KIAA1549L: variants seen among roughly 807,000 people sequenced by gnomAD.
KIAA1549L encodes the protein KIAA1549 like, also known as UPF0606 protein KIAA1549L.
A neutral mutation model predicts 160.7 loss-of-function variants in KIAA1549L; 88 were observed. That is an observed-to-expected ratio of 0.55 (90% confidence interval 0.46 to 0.65). The LOEUF is 0.65. Among genes scored for constraint, KIAA1549L ranks in the 30% least tolerant of loss-of-function variants. KIAA1549L has a pLI of 0.00. For synonymous variants in KIAA1549L, 950 were observed against 976.7 expected, an observed-to-expected ratio of 0.97 and a Z score of 0.51; for missense variants, 2,258 against 2,437.5, an observed-to-expected ratio of 0.93 and a Z score of 1.55.
chr11:33,529,582 G>A (rs538415647), intron 1 of KIAA1549L, among the ~76,000 whole-genome samples: 2 of 152,242 alleles, frequency 1.3e-5, no homozygotes, highest in South Asian at 4.2e-4. Flanking sequence ...CATGTAACTT[G>A]CCTGACTTTT....
At chr11:33,547,932 T>A in intron 4 of KIAA1549L, 53 bp downstream of exon 4, 1 of 1,146,698 alleles carries the variant, frequency 8.7e-7, no homozygotes, top group South Asian at 1.3e-5. Context: ...GGCTCTTGGG[T>A]CTAGAATATG....
chr11:33,526,113 T>A (rs1853605909), intron 1 of KIAA1549L, among the ~76,000 whole-genome samples: 1 of 152,158 alleles, frequency 6.6e-6, no homozygotes, highest in Admixed American at 6.5e-5. Context: ...GAAACCCAAG[T>A]AAGTACTTAA....
In KIAA1549L at chr11:33,460,020, T is replaced by C. The variant is rs199626828; in HGVS notation, c.239-81782T>C. On this transcript the variant is annotated intron_variant, in intron 1 of 20. Transcript: ENST00000658780. The stretch of plus-strand genomic sequence containing the variant: ...ACTTGCTCCTTAAATCTTTATGTCT[T>C]CTGTTCCTTAGCAACCCACAGCATA... 6.6e-5 allele frequency among the ~76,000 whole-genome samples: 10 copies of C among 151,742 alleles called. No individual in the cohort carries two copies. In the East Asian group the frequency reaches 1.9e-3, roughly 29 times the overall value.
intron 1 of KIAA1549L, among the ~76,000 whole-genome samples, chr11:33,520,684 A>AACACAC (rs60029190): frequency 0.06 from 5,078 of 84,682 alleles, 402 homozygotes; most frequent in Non-Finnish European, 0.075. Context: ...CCCCACCCCC[A>AACACAC]ACACACACAC....
chr11:33,621,991 C>A (rs1326355069), intron 16 of KIAA1549L, among the ~76,000 whole-genome samples: 1 of 152,204 alleles, frequency 6.6e-6, no homozygotes, highest in Non-Finnish European at 1.5e-5. Context: ...CCTCTAGCAG[C>A]TTGTCTGAAG....
At chr11:33,522,611 C>T (rs1205985946) in intron 1 of KIAA1549L, among the ~76,000 whole-genome samples, 1 of 152,074 alleles carries the variant, frequency 6.6e-6, no homozygotes, top group Non-Finnish European at 1.5e-5. Context: ...GCATTAGAAC[C>T]AATCAGTATA....
At chr11:33,552,075 T>A (rs778421122) in intron 5 of KIAA1549L, 33 bp from the exon 6 acceptor site, 1 of 1,610,666 alleles carries the variant, frequency 6.2e-7, no homozygotes, top group South Asian at 1.1e-5. Context: ...ACATGGAGCT[T>A]TAGTGAGCAC....
At chr11:33,599,693 G>T (rs1311382364) in intron 13 of KIAA1549L, among the ~76,000 whole-genome samples, 1 of 152,144 alleles carries the variant, frequency 6.6e-6, no homozygotes, top group Admixed American at 6.6e-5. Flanking sequence ...CAACATCATT[G>T]TGCAGCTCCC....
chr11:33,453,839 A>G (rs1374114481), intron 1 of KIAA1549L, among the ~76,000 whole-genome samples: 1 of 152,228 alleles, frequency 6.6e-6, no homozygotes, highest in Non-Finnish European at 1.5e-5. Flanking sequence ...CTGTGAACAT[A>G]AACCCCAAAG....
chr11:33,435,810 A>ATGTGTGTG (rs371276872), intron 1 of KIAA1549L, among the ~76,000 whole-genome samples: 4 of 27,194 alleles, frequency 1.5e-4, no homozygotes, highest in Non-Finnish European at 2.6e-4. Context: ...ATATATATAT[A>ATGTGTGTG]TGTGTGTGTA....
intron 1 of KIAA1549L, among the ~76,000 whole-genome samples, chr11:33,477,350 A>G (rs1852308856): frequency 6.6e-6 from 1 of 152,236 alleles, no homozygotes; most frequent in African/African-American, 2.4e-5. Context: ...AACAAGATGT[A>G]GAAATCCAGT....
chr11:33,574,865 A>C lies in KIAA1549L; in HGVS notation c.4394A>C (p.Gln1465Pro). Residue 1465 changes from glutamine to proline, a missense_variant, in exon 10 of 21, where the codon CAA (glutamine) becomes CCA (proline). Physicochemically the swap from Gln to Pro is moderately conservative, Grantham distance 76. Around this residue, in one of 6 missense-constraint regions of KIAA1549L, gnomAD observed 1,359 missense variants for 1,546.6 expected, o/e 0.88. Coordinates refer to ENST00000658780, the MANE Select transcript of KIAA1549L (RefSeq NM_012194.3). ...ALTLHHVVLL[Q>P]ADPVVKNPPN... ...ACCCTTCATCACGTTGTCCTTCTGC[A>C]AGCTGACCGTAAGGGAATGGTCTTT... 1 of 1,613,252 alleles carries C rather than the reference A, an allele frequency of 6.2e-7. No individual in the cohort carries two copies. The highest frequency in any genetic ancestry group is 1.1e-5 in the South Asian group (1 of 90,936).
intron 18 of KIAA1549L, among the ~76,000 whole-genome samples, chr11:33,656,933 C>G (rs937954059): frequency 3.9e-5 from 6 of 152,156 alleles, no homozygotes; most frequent in African/African-American, 1.4e-4. Context: ...CTGTGCAGCC[C>G]CAGCAGTTGG....
chr11:33,552,346 T>C, intron 6 of KIAA1549L, 105 bp downstream of exon 6: 1 of 1,247,056 alleles, frequency 8.0e-7, no homozygotes, highest in Non-Finnish European at 1.1e-6. Context: ...CATGTATAAA[T>C]GTAACTTTGT....
chr11:33,631,188 C>G (rs1564932341), intron 16 of KIAA1549L, among the ~76,000 whole-genome samples: 1 of 151,458 alleles, frequency 6.6e-6, no homozygotes. Context: ...CCAGGAGCTC[C>G]CCATAGCTTT....
At chr11:33,666,888 C>T (rs905871686) in intron 20 of KIAA1549L, among the ~76,000 whole-genome samples, 2 of 152,142 alleles carry the variant, frequency 1.3e-5, no homozygotes, top group African/African-American at 2.4e-5. Context: ...AGGCTAATAC[C>T]GACCTCCTAG....
At chr11:33,649,527 A>AT (rs142155575) in intron 17 of KIAA1549L, among the ~76,000 whole-genome samples, 2,310 of 142,188 alleles carry the variant, frequency 0.016, 107 homozygotes, top group African/African-American at 0.031. Context: ...AAAAAAAAAA[A>AT]GAAGCAGCAG....
At chr11:33,651,838 T>C (rs1851897335) in intron 17 of KIAA1549L, among the ~76,000 whole-genome samples, 1 of 99,478 alleles carries the variant, frequency 1.0e-5, no homozygotes, top group Admixed American at 1.1e-4. Context: ...CAGACTGTGG[T>C]CCCCTCCCCC....
At position 33,389,262 on chromosome 11, in the gene KIAA1549L, T is replaced by C. The variant is rs561834391; in HGVS notation, c.238+12373T>C. The stretch of plus-strand genomic sequence containing the variant: ...GTAATGAATGCCGTTCCCCTGTCAC[T>C]TGCCTTTTTATTTACCAGGTGTCAA... On this transcript the variant is annotated intron_variant, in intron 1 of 20. Transcript: ENST00000658780. 7.2e-5 allele frequency among the ~76,000 whole-genome samples: 11 copies of C among 152,352 alleles called. No homozygotes were observed. The East Asian group carries it at 1.2e-3, about 16-fold the overall frequency.
Sources: gnomAD v4.1 joint callset for allele counts (sites outside exome capture counted in the v4.1 genomes callset) on GRCh38, gnomAD v4.1.1 for gene constraint, gnomAD v4.1.1 regional missense constraint, MANE v1.5 for transcripts, NCBI Gene and HGNC (gene_info 2026-07-23, HGNC 2026-07-21) for gene names.